ARHGEF17: variants seen among roughly 807,000 people sequenced by gnomAD.
ARHGEF17 encodes the protein Rho guanine nucleotide exchange factor 17.
ARHGEF17 carries 80 observed loss-of-function variants against 174.0 expected under a neutral mutation model. The ratio of observed to expected loss-of-function variants is 0.46; its 90% CI spans 0.38 to 0.55. The LOEUF is 0.55. ARHGEF17 is among the 20% of genes least tolerant of loss of function. The pLI, the probability that ARHGEF17 is intolerant of heterozygous loss-of-function variation, is 0.00. For synonymous variants in ARHGEF17, 1,311 were observed against 1,189.1 expected (o/e 1.10, Z -2.11); for missense variants, 2,886 against 2,839.7 (o/e 1.02, Z -0.37).
intron 1 of ARHGEF17, among the ~76,000 whole-genome samples, chr11:73,332,883 C>T (rs1033643353): frequency 2.6e-5 from 4 of 152,182 alleles, no homozygotes; most frequent in African/African-American, 7.2e-5. Context: ...TAGTAAGCAG[C>T]GCAGAGGAAT....
chr11:73,362,116 A>G lies in ARHGEF17; in HGVS notation c.4571A>G (p.Tyr1524Cys), dbSNP rs748708615. ...PEVWVCNSDG[Y>C]VGQVCLLSLR... ...GTATGGGTCTGCAACAGCGACGGCT[A>G]CGTGGGCCAGGTGTGCCTGCTGAGC... The change falls in exon 13 of 21, where the codon TAC (tyrosine) becomes TGC (cysteine). Residue 1524 changes from tyrosine (Y) to cysteine (C), a missense_variant. Tyr to Cys is a radical substitution (Grantham distance 194). Around this residue, in one of 4 missense-constraint regions of ARHGEF17, gnomAD observed 476 missense variants for 473.1 expected, o/e 1.01. Transcript: ENST00000263674. The G allele has an allele frequency of 8.1e-6, 13 of 1,612,310 alleles. No homozygotes were observed. The highest frequency in any genetic ancestry group is 1.6e-4 in the Middle Eastern group (1 of 6,084).
chr11:73,316,221 T>C (rs1270351033), intron 1 of ARHGEF17, among the ~76,000 whole-genome samples: 1 of 152,216 alleles, frequency 6.6e-6, no homozygotes, highest in Non-Finnish European at 1.5e-5. Context: ...GCAGGTTGTG[T>C]GCAGTAAAAG....
Position 73,311,587 on chromosome 11 carries a change from T to A in ARHGEF17, c.2949T>A (p.Ala983=), listed in dbSNP as rs772861401. The change falls in exon 1 of 21, where the codon GCT becomes GCA. Residue 983 remains alanine, a synonymous_variant. Coordinates refer to ENST00000263674, the MANE Select transcript of ARHGEF17 (RefSeq NM_014786.4). ...EPPTSVGPPV[A]VPEPIGFPTR... is the part of the protein sequence containing the mutation. ...CAACTTCTGTTGGTCCCCCTGTGGC[T>A]GTGCCAGAACCCATAGGCTTCCCTA... 6.2e-7 allele frequency: 1 copy of A among 1,613,562 alleles called. No homozygotes were observed. The highest frequency in any genetic ancestry group is 1.1e-5 in the South Asian group (1 of 91,090).
At chr11:73,356,486 G>A in intron 6 of ARHGEF17, 135 bp downstream of exon 6, 1 of 1,244,832 alleles carries the variant, frequency 8.0e-7, no homozygotes, top group Non-Finnish European at 1.1e-6. Flanking sequence ...TTGCATCCAT[G>A]TCTGCCAGCC....
chr11:73,315,271 G>T (rs1483006569), intron 1 of ARHGEF17, among the ~76,000 whole-genome samples: 1 of 152,202 alleles, frequency 6.6e-6, no homozygotes, highest in Non-Finnish European at 1.5e-5. Context: ...ATTCACCAGG[G>T]CCTGGGGTTG....
chr11:73,364,587 C>T lies in ARHGEF17; in HGVS notation c.5537C>T (p.Thr1846Met), dbSNP rs781701739. The T allele has an allele frequency of 7.5e-6, 12 of 1,609,660 alleles. No individual in the cohort carries two copies. The highest frequency in any genetic ancestry group is 1.7e-5 in the Admixed American group (1 of 58,738). Residue 1846 changes from threonine to methionine, a missense_variant, in exon 18 of 21, where the codon ACG (threonine) becomes ATG (methionine). Thr to Met is a moderately conservative substitution (Grantham distance 81). This residue lies in a region of ARHGEF17 where 329 missense variants were observed against 435.2 expected (regional missense o/e 0.76). Transcript: ENST00000263674. ...CGAGTCCTTGTCCTGAGCCCTGACA[C>T]GCTGCAGCTGGAGGTAGCAGGGGGT... ...QNRVLVLSPD[T>M]LQLEHMFYVG...
At chr11:73,351,890 C>T (rs981282890) in intron 2 of ARHGEF17, among the ~76,000 whole-genome samples, 1 of 152,056 alleles carries the variant, frequency 6.6e-6, no homozygotes, top group African/African-American at 2.4e-5. Flanking sequence ...GCCGCATTAT[C>T]GCCTTTTAAC....
In ARHGEF17 at chr11:73,310,810, TGGGGAGGCA is replaced by T; in HGVS notation, c.2181_2189del (p.Gly728_Ala730del). The T allele has an allele frequency of 1.2e-6, 2 of 1,611,992 alleles. No individual in the cohort carries two copies. ...GTTCTGGTGGGAGCGAATTGAGCAA[TGGGGAGGCA>T]GGGGAGGCCTACAGGTCCCTGAGTG... On this transcript the variant is annotated inframe_deletion, in exon 1 of 21. Transcript: ENST00000263674.
intron 14 of ARHGEF17, 111 bp downstream of exon 14, chr11:73,362,845 G>A: frequency 7.5e-7 from 1 of 1,338,656 alleles, no homozygotes; most frequent in Non-Finnish European, 1.0e-6. Context: ...CAGACCTCAG[G>A]ATGTTAGCAC....
rs746710714 is a variant in ARHGEF17, at chr11:73,311,690, G to A, written c.3052G>A (p.Glu1018Lys). ...KQYMLNLHSG[E>K]VPAPVPVDMP... is the part of the protein sequence containing the mutation. ...GTACATGCTGAACCTGCACTCCGGT[G>A]AGGTCCCTGCCCCAGTGCCAGTGGA... The change falls in exon 1 of 21, where the codon GAG (glutamate) becomes AAG (lysine). Residue 1018 changes from glutamate to lysine, a missense_variant. Around this residue, in one of 4 missense-constraint regions of ARHGEF17, gnomAD observed 1,728 missense variants for 1,461.2 expected, o/e 1.18. Coordinates refer to ENST00000263674, the MANE Select transcript of ARHGEF17 (RefSeq NM_014786.4). 6.2e-7 allele frequency: 1 copy of A among 1,613,418 alleles called. No individual in the cohort carries two copies.
At chr11:73,337,786 A>G (rs562220006) in intron 1 of ARHGEF17, among the ~76,000 whole-genome samples, 1 of 152,096 alleles carries the variant, frequency 6.6e-6, no homozygotes, top group South Asian at 2.1e-4. Context: ...ATGGACCATC[A>G]CCCTCACCAG....
chr11:73,352,809 C>T (rs1312214318), intron 2 of ARHGEF17, 21 bp from the exon 3 acceptor site: 2 of 1,613,322 alleles, frequency 1.2e-6, no homozygotes, highest in South Asian at 2.2e-5. Flanking sequence ...GGAGTGTGCA[C>T]CGACCCTGTG....
chr11:73,334,994 T>C (rs1865263977), intron 1 of ARHGEF17, among the ~76,000 whole-genome samples: 2 of 152,176 alleles, frequency 1.3e-5, no homozygotes, highest in Non-Finnish European at 2.9e-5. Context: ...TGAGCCAGTG[T>C]TAGACATTTT....
chr11:73,324,654 C>T (rs1565191640), intron 1 of ARHGEF17, among the ~76,000 whole-genome samples: 2 of 152,218 alleles, frequency 1.3e-5, no homozygotes, highest in Non-Finnish European at 2.9e-5. Flanking sequence ...AGTTCAGACC[C>T]AGATGGTCTG....
chr11:73,310,331 A>C lies in ARHGEF17; in HGVS notation c.1693A>C (p.Lys565Gln). ...CCGCCTGCCCCGCACCAGTGCTCTG[A>C]AGTCCAGCTCCTCCGAGCTCCTGCT... ...ARRLPRTSAL[K>Q]SSSSELLLTG... The change falls in exon 1 of 21, where the codon AAG (lysine) becomes CAG (glutamine). Residue 565 changes from lysine to glutamine, a missense_variant. Lys to Gln is a moderately conservative substitution (Grantham distance 53). Coordinates refer to ENST00000263674, the MANE Select transcript of ARHGEF17 (RefSeq NM_014786.4). The C allele has an allele frequency of 1.9e-6, 3 of 1,613,816 alleles. No individual in the cohort carries two copies. Among genetic ancestry groups the C allele is most frequent in the Non-Finnish European group, 2.5e-6 (3 of 1,179,984 alleles).
At chr11:73,354,702 T>G in intron 3 of ARHGEF17, among the ~76,000 whole-genome samples, 1 of 139,590 alleles carries the variant, frequency 7.2e-6, no homozygotes, top group Non-Finnish European at 1.5e-5. Context: ...GGTGACAGAG[T>G]GAGACTCCGT....
intron 13 of ARHGEF17, 47 bp downstream of exon 13, chr11:73,362,286 C>G: frequency 6.8e-7 from 1 of 1,468,096 alleles, no homozygotes; most frequent in Non-Finnish European, 9.0e-7. Context: ...CCTGGGAGAA[C>G]CAACCCCTGT....
In ARHGEF17 at chr11:73,330,504, G is replaced by A. The variant is rs187038668; in HGVS notation, c.3193-16379G>A. ...TTCTGGATGGTTGGTTTTAAGGTGA[G>A]GAATGACTTGGTCAGAATCTTTCTA... is the stretch of plus-strand genomic sequence containing the variant. On this transcript the variant is annotated intron_variant, in intron 1 of 20. Transcript: ENST00000263674. Among the ~76,000 whole-genome samples, 1,486 of 152,272 alleles carry A rather than the reference G, an allele frequency of 9.8e-3. 11 individuals are homozygous for A. The highest frequency in any genetic ancestry group is 0.015 in the Non-Finnish European group (1,038 of 68,026).
chr11:73,351,711 A>G (rs969878395), intron 2 of ARHGEF17, among the ~76,000 whole-genome samples: 11 of 152,072 alleles, frequency 7.2e-5, no homozygotes, highest in African/African-American at 2.7e-4. Flanking sequence ...CCTCCCAGGT[A>G]TCTGGGACTA....
Sources: gnomAD v4.1 joint callset for allele counts (sites outside exome capture counted in the v4.1 genomes callset) on GRCh38, gnomAD v4.1.1 for gene constraint, gnomAD v4.1.1 regional missense constraint, MANE v1.5 for transcripts, NCBI Gene and HGNC (gene_info 2026-07-23, HGNC 2026-07-21) for gene names.